Variants in ARHGEF10L observed in about 807,000 individuals in gnomAD.
ARHGEF10L encodes Rho guanine nucleotide exchange factor 10 like.
In ARHGEF10L, 69 loss-of-function variants were observed where a neutral mutation model predicts 141.2. The ratio of observed to expected loss-of-function variants is 0.49; its 90% CI spans 0.40 to 0.60. The LOEUF (loss-of-function observed/expected upper bound fraction) is 0.60. Among genes scored for constraint, ARHGEF10L ranks in the 20% least tolerant of loss-of-function variants. The pLI is 0.00. For synonymous variants in ARHGEF10L, 711 were observed against 718.5 expected (o/e 0.99, Z 0.17); for missense variants, 1,482 against 1,734.3 (o/e 0.85, Z 2.58).
At position 17,627,220 on chromosome 1, in the gene ARHGEF10L, C is replaced by T; in HGVS notation, c.1411-110C>T. The T allele has an allele frequency of 7.4e-7, 1 of 1,352,948 alleles. No individual in the cohort carries two copies. The allele number at this position is 1,352,948 out of a possible 1,614,324, so 83.8% of individuals were successfully genotyped here. On this transcript the variant is annotated intron_variant, in intron 14 of 28. Coordinates refer to ENST00000361221, the MANE Select transcript of ARHGEF10L (RefSeq NM_018125.4). This position sits in a 1 kb window ranked among gnomAD's most constrained non-coding sequence, Gnocchi z 4.0. The stretch of plus-strand genomic sequence containing the variant: ...CCATCTGTCCTGGCCTCAGGCCGGG[C>T]CCTTTGCAGACCCAGTGTGTGTAGG...
rs1302434849 is a variant in ARHGEF10L, at chr1:17,613,761, G to A, written c.726+587G>A. On this transcript the variant is annotated intron_variant, in intron 8 of 28. Transcript: ENST00000361221. ...TCCATTAACTGAGCACCTGCTCTGT[G>A]TCTTGGCTAAAGGCATGGACTTTCG... is the stretch of plus-strand genomic sequence containing the variant. Among the ~76,000 whole-genome samples the A allele has an allele frequency of 7.9e-5, 12 of 152,256 alleles. 1 individual carries two copies. The highest frequency in any genetic ancestry group is 7.8e-4 in the Admixed American group (12 of 15,290).
rs190216759 is a variant in ARHGEF10L at position 17,684,584 on chromosome 1, A to G, written c.3010-2989A>G. 2.8e-3 allele frequency among the ~76,000 whole-genome samples: 419 copies of G among 152,232 alleles called. 2 individuals are homozygous for G. The highest frequency in any genetic ancestry group is 9.1e-3 in the African/African-American group (377 of 41,546). ...CTGGAGCCCTTAGCCTGAGCCCCCAATCTGAGACAGGAGACAGTTCGCTTC... is the reference window on the plus strand; with the variant it reads ...CTGGAGCCCTTAGCCTGAGCCCCCAGTCTGAGACAGGAGACAGTTCGCTTC... On this transcript the variant is annotated intron_variant, in intron 26 of 28. Transcript: ENST00000361221.
intron 4 of ARHGEF10L, among the ~76,000 whole-genome samples, chr1:17,592,721 C>T (rs1341643862): frequency 2.6e-5 from 4 of 152,106 alleles, no homozygotes; most frequent in African/African-American, 9.7e-5. Context: ...TCCCAGATTG[C>T]CGCAGACCTA....
At chr1:17,517,391 G>T in the ARHGEF10L span, among the ~76,000 whole-genome samples, 1 of 151,570 alleles carries the variant, frequency 6.6e-6, no homozygotes, top group African/African-American at 2.4e-5. Flanking sequence ...GTGCGCAGTG[G>T]TGCAATCTCA....
rs1190235080 is a variant in ARHGEF10L, at chr1:17,573,122, C to G, written c.-43-7431C>G. Among the ~76,000 whole-genome samples, 4 of 152,200 alleles carry G rather than the reference C, an allele frequency of 2.6e-5. No homozygotes were observed. Among genetic ancestry groups the G allele is most frequent in the African/African-American group, 9.7e-5 (4 of 41,438 alleles). On this transcript the variant is annotated intron_variant, in intron 1 of 28. Coordinates refer to ENST00000361221, the MANE Select transcript of ARHGEF10L (RefSeq NM_018125.4). The surrounding 1 kb of genome is among the most constrained non-coding windows in gnomAD (Gnocchi z 4.8). ...TGGACCTCCCTTTCCCTGCCTGCCT[C>G]ATCCTCCTGGGGGGCTTTGGGTAGG... is the stretch of plus-strand genomic sequence containing the variant.
At chr1:17,521,697 ACAG>A in the ARHGEF10L span, among the ~76,000 whole-genome samples, 10 of 152,204 alleles carry the variant, frequency 6.6e-5, no homozygotes, top group Non-Finnish European at 1.5e-5. Flanking sequence ...TGAAGATTTC[ACAG>A]CTTGAGAAGG....
chr1:17,682,675 A>G (rs1285150769), intron 26 of ARHGEF10L, among the ~76,000 whole-genome samples: 1 of 152,154 alleles, frequency 6.6e-6, no homozygotes, highest in African/African-American at 2.4e-5. Flanking sequence ...GCGCTCACCC[A>G]GTAAATAGCT....
At chr1:17,667,322 G>A (rs1406951429) in intron 26 of ARHGEF10L, among the ~76,000 whole-genome samples, 1 of 152,254 alleles carries the variant, frequency 6.6e-6, no homozygotes, top group Non-Finnish European at 1.5e-5. Context: ...GCTTCAGTCT[G>A]TGGAGAGAGA....
chr1:17,627,128 A>G lies in ARHGEF10L; in HGVS notation c.1411-202A>G, dbSNP rs1279568615. Among the ~76,000 whole-genome samples the G allele has an allele frequency of 6.6e-6, 1 of 152,248 alleles. No individual in the cohort carries two copies. The highest frequency in any genetic ancestry group is 1.5e-5 in the Non-Finnish European group (1 of 68,040). ...AGTTCATGTGGGTCTATTCCTAGAA[A>G]GATCCATGCTTTTGTTTTCTTTTTC... On this transcript the variant is annotated intron_variant, in intron 14 of 28. Coordinates refer to ENST00000361221, the MANE Select transcript of ARHGEF10L (RefSeq NM_018125.4). This position sits in a 1 kb window ranked among gnomAD's most constrained non-coding sequence, Gnocchi z 4.0.
intron 2 of ARHGEF10L, among the ~76,000 whole-genome samples, chr1:17,581,309 C>CAAAAAAA (rs71014975): frequency 5.5e-4 from 38 of 68,944 alleles, no homozygotes; most frequent in Middle Eastern, 0.012. Flanking sequence ...AAGACTGTCT[C>CAAAAAAA]AAAAAAAAAA....
intron 7 of ARHGEF10L, among the ~76,000 whole-genome samples, chr1:17,608,538 G>A (rs561457858): frequency 2.2e-4 from 34 of 152,304 alleles, no homozygotes; most frequent in African/African-American, 7.9e-4. Context: ...CTTTCCTCGT[G>A]TTTCTGCCTG....
chr1:17,619,241 G>A lies in ARHGEF10L; in HGVS notation c.836-98G>A, dbSNP rs1195470300. On this transcript the variant is annotated intron_variant, in intron 9 of 28. Coordinates refer to ENST00000361221, the MANE Select transcript of ARHGEF10L (RefSeq NM_018125.4). This position sits in a 1 kb window ranked among gnomAD's most constrained non-coding sequence, Gnocchi z 5.0. The stretch of plus-strand genomic sequence containing the variant: ...GGAGCTGCTTGCACCCTAGGACCTG[G>A]GTCCAAGGCTGGTCTAGGGGGGCTC... 5 of 1,210,284 alleles carry A rather than the reference G, an allele frequency of 4.1e-6. No individual in the cohort carries two copies. In the East Asian group the frequency reaches 1.3e-4, roughly 31 times the overall value. The allele number at this position is 1,210,284 out of a possible 1,614,324, so 75.0% of individuals were successfully genotyped here.
chr1:17,593,504 G>C (rs1341269092), intron 4 of ARHGEF10L, among the ~76,000 whole-genome samples: 2 of 152,158 alleles, frequency 1.3e-5, no homozygotes, highest in African/African-American at 2.4e-5. Flanking sequence ...GGAGACAGGA[G>C]GGCCAGAGTC....
chr1:17,539,409 A>G (rs918322311), upstream of ARHGEF10L, among the ~76,000 whole-genome samples: 8 of 152,090 alleles, frequency 5.3e-5, no homozygotes, highest in African/African-American at 1.9e-4. The surrounding 1 kb of genome is among the most constrained non-coding windows in gnomAD (Gnocchi z 6.0). Context: ...GGGGAAGGAG[A>G]ACCGGGAGGC....
At chr1:17,589,836 A>T (rs1201782585) in intron 4 of ARHGEF10L, among the ~76,000 whole-genome samples, 1 of 152,100 alleles carries the variant, frequency 6.6e-6, no homozygotes, top group Non-Finnish European at 1.5e-5. Context: ...GATGCGTCAG[A>T]GTGGGACAGA....
intron 16 of ARHGEF10L, among the ~76,000 whole-genome samples, chr1:17,633,078 CT>C (rs1231801936): frequency 6.6e-6 from 1 of 152,222 alleles, no homozygotes; most frequent in African/African-American, 2.4e-5. Context: ...TTATGTTTTA[CT>C]AACACAGGGA....
the ARHGEF10L span, among the ~76,000 whole-genome samples, chr1:17,527,252 C>T: frequency 3.3e-5 from 5 of 152,206 alleles, no homozygotes; most frequent in African/African-American, 7.2e-5. Context: ...ACCCCAGAAC[C>T]GGGTGGCTGG....
At position 17,673,477 on chromosome 1, in the gene ARHGEF10L, G is replaced by GCCCTGGGTGTAATTAGGGAGGCTCCCT. The variant is rs2063455825; in HGVS notation, c.3009+8892_3009+8918dup. On this transcript the variant is annotated intron_variant, in intron 26 of 28. Transcript: ENST00000361221. The surrounding 1 kb of genome is among the most constrained non-coding windows in gnomAD (Gnocchi z 4.1). ...GAGGGCTTAATGCAGTGGAGGTCAG[G>GCCCTGGGTGTAATTAGGGAGGCTCCCT]CCCTGGGTGTAATTAGGGAGGCTCC... Among the ~76,000 whole-genome samples the GCCCTGGGTGTAATTAGGGAGGCTCCCT allele has an allele frequency of 6.6e-6, 1 of 152,216 alleles. No homozygotes were observed. Among genetic ancestry groups the GCCCTGGGTGTAATTAGGGAGGCTCCCT allele is most frequent in the Non-Finnish European group, 1.5e-5 (1 of 68,038 alleles).
At chr1:17,563,098 T>C (rs1329666221) in intron 1 of ARHGEF10L, among the ~76,000 whole-genome samples, 1 of 152,124 alleles carries the variant, frequency 6.6e-6, no homozygotes, top group East Asian at 1.9e-4. Flanking sequence ...ACGATGAATC[T>C]TCTGCCAAAG....
Sources: gnomAD v4.1 joint callset for allele counts (sites outside exome capture counted in the v4.1 genomes callset) on GRCh38, gnomAD v4.1.1 for gene constraint, Gnocchi (gnomAD v3.1) non-coding constraint, MANE v1.5 for transcripts, NCBI Gene and HGNC (gene_info 2026-07-23, HGNC 2026-07-21) for gene names.